JPH3: variants seen among roughly 807,000 people sequenced by gnomAD.
JPH3 encodes the protein junctophilin 3, also known as junctophilin-3.
A neutral mutation model predicts 59.6 loss-of-function variants in JPH3; 11 were observed. That is an observed-to-expected ratio of 0.18 (90% CI 0.12 to 0.31). JPH3 has a LOEUF of 0.31. JPH3 is among the 10% of genes least tolerant of loss of function. The pLI is 1.00. For missense variants in JPH3, 1,202 were observed against 1,105.7 expected, an observed-to-expected ratio of 1.09 and a Z score of -1.24; for synonymous variants, 673 against 483.6, an observed-to-expected ratio of 1.39 and a Z score of -5.14.
intron 2 of JPH3, among the ~76,000 whole-genome samples, chr16:87,646,674 G>C (rs1367211590): frequency 6.6e-6 from 1 of 152,172 alleles, no homozygotes; most frequent in Non-Finnish European, 1.5e-5. Context: ...ATTTTGTATA[G>C]TTGCTTTTTT....
chr16:87,625,697 C>G (rs1468395497), intron 1 of JPH3, among the ~76,000 whole-genome samples: 1 of 152,144 alleles, frequency 6.6e-6, no homozygotes, highest in East Asian at 1.9e-4. Context: ...TGTGCCAAAC[C>G]CCTGTCAACA....
At position 87,696,904 on chromosome 16, in the gene JPH3, G is replaced by C; in HGVS notation, c.*244G>C. The stretch of plus-strand genomic sequence containing the variant: ...TCTGCTGTGTGGCATGGCAGAAGGA[G>C]GCCAGCACGCAGCCCCTCCAGCTCC... On this transcript the variant is annotated 3_prime_UTR_variant, in exon 5 of 5. Coordinates refer to ENST00000284262, the MANE Select transcript of JPH3 (RefSeq NM_020655.4). The C allele has an allele frequency of 6.1e-6, 3 of 489,434 alleles. No homozygotes were observed. Among genetic ancestry groups the C allele is most frequent in the Non-Finnish European group, 1.1e-5 (3 of 267,544 alleles). The allele number at this position is 489,434 out of a possible 1,614,324, so 30.3% of individuals were successfully genotyped here.
intron 4 of JPH3, chr16:87,695,841 A>C (rs927810005): frequency 4.4e-6 from 2 of 455,940 alleles, no homozygotes; most frequent in African/African-American, 4.0e-5. Context: ...GGCCCCGGCA[A>C]GCACAGGGAA....
chr16:87,665,387 C>T (rs987438179), intron 2 of JPH3, among the ~76,000 whole-genome samples: 12 of 152,264 alleles, frequency 7.9e-5, no homozygotes, highest in Admixed American at 1.3e-4. Context: ...ACAGCACCGG[C>T]CCAGCCCCGC....
chr16:87,668,509 ACACTCATC>A (rs2032933486), intron 2 of JPH3, among the ~76,000 whole-genome samples: 1 of 152,112 alleles, frequency 6.6e-6, no homozygotes, highest in Non-Finnish European at 1.5e-5. Flanking sequence ...GTGGCCCGTC[ACACTCATC>A]CTGCATCTGT....
At chr16:87,675,280 C>G (rs1468864246) in intron 2 of JPH3, among the ~76,000 whole-genome samples, 1 of 151,756 alleles carries the variant, frequency 6.6e-6, no homozygotes, top group African/African-American at 2.4e-5. Context: ...CTCCTCCTGC[C>G]TCCCAGGCCT....
At chr16:87,665,595 C>G (rs963716557) in intron 2 of JPH3, among the ~76,000 whole-genome samples, 7 of 152,220 alleles carry the variant, frequency 4.6e-5, no homozygotes, top group Admixed American at 3.9e-4. Flanking sequence ...GCTCCCAGCC[C>G]CATGCCCCAC....
chr16:87,614,190 C>T (rs534122534), intron 1 of JPH3, among the ~76,000 whole-genome samples: 6 of 151,448 alleles, frequency 4.0e-5, no homozygotes, highest in African/African-American at 9.7e-5. Flanking sequence ...CCTGCAGATA[C>T]GAGGAGCCGC....
chr16:87,660,124 G>A (rs1027888426), intron 2 of JPH3, among the ~76,000 whole-genome samples: 1 of 152,170 alleles, frequency 6.6e-6, no homozygotes, highest in Non-Finnish European at 1.5e-5. Flanking sequence ...GTAAAGGGGA[G>A]CTGAGGACAG....
At chr16:87,685,989 G>C (rs2033408579) in intron 3 of JPH3, among the ~76,000 whole-genome samples, 1 of 152,280 alleles carries the variant, frequency 6.6e-6, no homozygotes, top group Admixed American at 6.5e-5. Flanking sequence ...GATCCACGCG[G>C]CGTCCTTAGA....
chr16:87,667,540 G>A (rs1237909524), intron 2 of JPH3, among the ~76,000 whole-genome samples: 2 of 152,166 alleles, frequency 1.3e-5, no homozygotes, highest in Non-Finnish European at 2.9e-5. Flanking sequence ...TGGTCTTTGG[G>A]GGCCAGGTGG....
rs202066813 is a variant in JPH3 at position 87,644,973 on chromosome 16, C to T, written c.1098C>T (p.Ala366=). ...AGATCCGCGAGAAGGTGGACCGCGC[C>T]GTTGAGGCCGCTGAGCGGGCCGCCA... The part of the protein sequence containing the change: ...ASKIREKVDR[A]VEAAERAATI... The change falls in exon 2 of 5, where the codon GCC becomes GCT. Residue 366 remains alanine (A), a synonymous_variant. Coordinates refer to ENST00000284262, the MANE Select transcript of JPH3 (RefSeq NM_020655.4). 699 of 1,610,170 alleles carry T rather than the reference C, an allele frequency of 4.3e-4. 1 individual carries two copies. Among genetic ancestry groups the T allele is most frequent in the Non-Finnish European group, 3.9e-4 (455 of 1,179,814 alleles).
At chr16:87,677,459 T>C (rs923679332) in intron 2 of JPH3, among the ~76,000 whole-genome samples, 1 of 152,196 alleles carries the variant, frequency 6.6e-6, no homozygotes, top group Non-Finnish European at 1.5e-5. Context: ...ATCAGGTATC[T>C]TATCCAGCAT....
intron 1 of JPH3, among the ~76,000 whole-genome samples, chr16:87,609,054 G>A (rs1172293560): frequency 6.6e-6 from 1 of 152,130 alleles, no homozygotes; most frequent in Non-Finnish European, 1.5e-5. Flanking sequence ...AAGAAGAAGT[G>A]TGCCTGGTCC....
At chr16:87,613,127 C>T (rs1597234666) in intron 1 of JPH3, among the ~76,000 whole-genome samples, 1 of 140,724 alleles carries the variant, frequency 7.1e-6, no homozygotes, top group Non-Finnish European at 1.5e-5. Flanking sequence ...GACAGAGTCT[C>T]ACTCTGTCGC....
chr16:87,667,537 T>C (rs535511941), intron 2 of JPH3, among the ~76,000 whole-genome samples: 1 of 152,142 alleles, frequency 6.6e-6, no homozygotes, highest in African/African-American at 2.4e-5. Context: ...ATCTGGTCTT[T>C]GGGGGCCAGG....
At chr16:87,695,554 C>T in intron 4 of JPH3, 1 of 454,846 alleles carries the variant, frequency 2.2e-6, no homozygotes, top group Non-Finnish European at 4.4e-6. Context: ...GAGGCAGGGG[C>T]AAGTGTCCTC....
intron 2 of JPH3, among the ~76,000 whole-genome samples, chr16:87,655,838 A>G (rs368302856): frequency 6.6e-6 from 1 of 152,264 alleles, no homozygotes; most frequent in East Asian, 1.9e-4. Context: ...GAGGCTCTGG[A>G]TTGAATGAGG....
At chr16:87,695,377 C>G (rs1044227372) in intron 4 of JPH3, 2 of 456,004 alleles carry the variant, frequency 4.4e-6, no homozygotes, top group Non-Finnish European at 8.8e-6. Context: ...GAATGTGCAT[C>G]CTGGGACCTT....
Sources: allele counts gnomAD v4.1 joint callset (sites outside exome capture counted in the v4.1 genomes callset), GRCh38; gene constraint gnomAD v4.1.1; transcripts MANE v1.5; gene names NCBI Gene and HGNC (gene_info 2026-07-23, HGNC 2026-07-21).